The following LSP1 variants were observed in gnomAD, a reference collection of about 807,000 sequenced individuals.
LSP1 encodes lymphocyte specific protein 1.
In LSP1, 32 loss-of-function variants were observed where a neutral mutation model predicts 49.3. The observed-to-expected ratio is 0.65, with a 90% CI of 0.49 to 0.87. LSP1 has a LOEUF of 0.87. LSP1 is among the 40% of genes least tolerant of loss of function. LSP1 has a pLI of 0.00. For missense variants in LSP1, 428 were observed against 442.6 expected (o/e 0.97, Z 0.30); for synonymous variants, 179 against 178.8 (o/e 1.00, Z -0.01).
intron 1 of LSP1, among the ~76,000 whole-genome samples, chr11:1,873,886 A>AGGAGGGAG: frequency 7.5e-6 from 1 of 133,494 alleles, no homozygotes; most frequent in East Asian, 2.2e-4. Flanking sequence ...AGGCTGGCAG[A>AGGAGGGAG]GCAGGGAGCC....
chr11:1,884,416 C>A lies in LSP1; in HGVS notation c.636-84C>A. On this transcript the variant is annotated intron_variant, in intron 6 of 10. Transcript: ENST00000311604. The surrounding 1 kb of genome is among the most constrained non-coding windows in gnomAD (Gnocchi z 4.1). ...AGTCACAAGGTAGAGATCTGGAGAC[C>A]GAGGGGGGCTCTGGGAGAGGCTTGG... 1 of 1,605,416 alleles carries A rather than the reference C, an allele frequency of 6.2e-7. No homozygotes were observed. The highest frequency in any genetic ancestry group is 1.7e-5 in the Admixed American group (1 of 59,956).
chr11:1,853,789 G>T (rs1026953192), intron 1 of LSP1, among the ~76,000 whole-genome samples: 1 of 152,206 alleles, frequency 6.6e-6, no homozygotes, highest in Non-Finnish European at 1.5e-5. Flanking sequence ...GCCAGGCACC[G>T]TGTGTTGGTT....
At position 1,868,429 on chromosome 11, in the gene LSP1, G is replaced by A. The variant is rs567263180; in HGVS notation, c.54-11658G>A. On this transcript the variant is annotated intron_variant, in intron 1 of 10. Coordinates refer to ENST00000311604, the MANE Select transcript of LSP1 (RefSeq NM_002339.3). ...CATATACAGATGTGGCAGCCACACC[G>A]TGCTTGGCTCTCCGCAGGGCTCTAA... 3.7e-4 allele frequency among the ~76,000 whole-genome samples: 57 copies of A among 152,346 alleles called. 1 individual carries two copies. The highest frequency in any genetic ancestry group is 2.4e-3 in the Admixed American group (37 of 15,310).
At chr11:1,876,450 C>G (rs1589821698) in intron 1 of LSP1, 3 of 985,708 alleles carry the variant, frequency 3.0e-6, no homozygotes. Context: ...CCCTCGACAT[C>G]CTCCCCGCAG....
chr11:1,873,982 CGGCGGAGGAGGGAGGCT>C (rs1848176123), intron 1 of LSP1, among the ~76,000 whole-genome samples: 8 of 115,142 alleles, frequency 6.9e-5, no homozygotes, highest in South Asian at 6.2e-4. Flanking sequence ...GGAGGGAGGC[CGGCGGAGGAGGGAGGCT>C]GGCAGAGCAG....
chr11:1,863,859 G>T (rs539252186), intron 1 of LSP1, among the ~76,000 whole-genome samples: 2 of 152,172 alleles, frequency 1.3e-5, no homozygotes, highest in Non-Finnish European at 1.5e-5. Context: ...AAGATGCTGC[G>T]TTGGTGGCGT....
chr11:1,882,044 T>C (rs112272150), intron 3 of LSP1, among the ~76,000 whole-genome samples: 157 of 152,196 alleles, frequency 1.0e-3, no homozygotes, highest in African/African-American at 3.4e-3. Context: ...CTGATCTCCA[T>C]TCCCACGGAG....
chr11:1,876,442 C>T (rs1367225828), intron 1 of LSP1: 2 of 985,602 alleles, frequency 2.0e-6, no homozygotes, highest in African/African-American at 3.5e-5. Context: ...TCCCCCTCCC[C>T]TCGACATCCT....
chr11:1,866,576 T>G lies in LSP1; in HGVS notation c.53+13379T>G, dbSNP rs7938342. 8.4e-6 allele frequency: 13 copies of G among 1,549,044 alleles called. No homozygotes were observed. The East Asian group carries it at 2.9e-4, about 35-fold the overall frequency. ...TGGGCCCCTGGCTGGGCACACCTCA[T>G]CCCAGCCTCCCCCTACCCCTGGCCC... On this transcript the variant is annotated intron_variant, in intron 1 of 10. Coordinates refer to ENST00000311604, the MANE Select transcript of LSP1 (RefSeq NM_002339.3).
At chr11:1,856,986 G>A (rs1349559185) in intron 1 of LSP1, among the ~76,000 whole-genome samples, 2 of 152,212 alleles carry the variant, frequency 1.3e-5, no homozygotes, top group African/African-American at 2.4e-5. Context: ...AAGCCCTGGG[G>A]CTCCCTCCCT....
intron 1 of LSP1, chr11:1,864,383 G>C: frequency 9.3e-6 from 3 of 323,998 alleles, no homozygotes; most frequent in Non-Finnish European, 1.3e-5. Context: ...CTGTGCCTGG[G>C]GCAGGGGCAC....
chr11:1,858,002 C>T (rs966322554), intron 1 of LSP1, among the ~76,000 whole-genome samples: 1 of 152,172 alleles, frequency 6.6e-6, no homozygotes, highest in Non-Finnish European at 1.5e-5. Context: ...GTGATCCACC[C>T]GCCCCAGCCT....
chr11:1,883,661 G>C, intron 4 of LSP1, 101 bp downstream of exon 4: 2 of 1,434,440 alleles, frequency 1.4e-6, no homozygotes, highest in Non-Finnish European at 1.9e-6. Context: ...GTCTAGCCCA[G>C]AGTGGGTCAG....
rs572949416 is a variant in LSP1, at chr11:1,866,973, T to C, written c.54-13114T>C. 2.8e-6 allele frequency: 4 copies of C among 1,418,600 alleles called. No individual in the cohort carries two copies. In the South Asian group the frequency reaches 4.2e-5, roughly 15 times the overall value. The allele number at this position is 1,418,600 out of a possible 1,614,324, so 87.9% of individuals were successfully genotyped here. ...TGGGCCCAGGCTCGGGGCCAGTCCC[T>C]GTGGACCTGGGGAGGAGACACTGAA... On this transcript the variant is annotated intron_variant, in intron 1 of 10. Transcript: ENST00000311604.
At position 1,884,718 on chromosome 11, in the gene LSP1, G is replaced by C; in HGVS notation, c.717+137G>C. On this transcript the variant is annotated intron_variant, in intron 7 of 10. Coordinates refer to ENST00000311604, the MANE Select transcript of LSP1 (RefSeq NM_002339.3). The surrounding 1 kb of genome is among the most constrained non-coding windows in gnomAD (Gnocchi z 4.1). ...TATCCAACCAATGCTTCTCCATCCA[G>C]TCAGTGCCCCTCTACCCAATCAATG... 1 of 693,182 alleles carries C rather than the reference G, an allele frequency of 1.4e-6. No individual in the cohort carries two copies. The highest frequency in any genetic ancestry group is 2.7e-5 in the East Asian group (1 of 36,968). 42.9% of individuals were successfully genotyped at this position (693,182 alleles called of 1,614,324 possible).
At chr11:1,881,209 G>A (rs1848523522) in intron 2 of LSP1, 1 of 510,598 alleles carries the variant, frequency 2.0e-6, no homozygotes, top group Admixed American at 3.6e-5. Flanking sequence ...TGGACTGATG[G>A]AGGAAGCACA....
At chr11:1,877,701 C>T (rs1234974992) in intron 1 of LSP1, among the ~76,000 whole-genome samples, 1 of 152,218 alleles carries the variant, frequency 6.6e-6, no homozygotes, top group Non-Finnish European at 1.5e-5. Context: ...CAAAGGTTCC[C>T]GTGTGTGAGC....
At chr11:1,888,042 CCCCAT>C (rs1033901932) in intron 10 of LSP1, among the ~76,000 whole-genome samples, 16 of 152,294 alleles carry the variant, frequency 1.1e-4, no homozygotes, top group Admixed American at 9.1e-4. Flanking sequence ...CTGATGCCCT[CCCCAT>C]CCCATGCTGC....
At position 1,884,208 on chromosome 11, in the gene LSP1, A is replaced by G; in HGVS notation, c.592-72A>G. On this transcript the variant is annotated intron_variant, in intron 5 of 10. Transcript: ENST00000311604. The surrounding 1 kb of genome is among the most constrained non-coding windows in gnomAD (Gnocchi z 4.1). ...GGTTGGGGGTTGGATTAGTGGTTGGAGTAGCTGGGGAGATGGAGGGTGGGC... is the reference window on the plus strand; with the variant it reads ...GGTTGGGGGTTGGATTAGTGGTTGGGGTAGCTGGGGAGATGGAGGGTGGGC... 2 of 1,565,096 alleles carry G rather than the reference A, an allele frequency of 1.3e-6. No homozygotes were observed. Among genetic ancestry groups the G allele is most frequent in the African/African-American group, 1.4e-5 (1 of 73,998 alleles).
Sources: allele counts gnomAD v4.1 joint callset (sites outside exome capture counted in the v4.1 genomes callset), GRCh38; gene constraint gnomAD v4.1.1; non-coding constraint Gnocchi (gnomAD v3.1); transcripts MANE v1.5; gene names NCBI Gene and HGNC (gene_info 2026-07-23, HGNC 2026-07-21).